SLC47A2: variants seen among roughly 807,000 people sequenced by gnomAD.
SLC47A2 encodes the protein multidrug and toxin extrusion protein 2.
A neutral mutation model predicts 67.7 loss-of-function variants in SLC47A2; 52 were observed. The ratio of observed to expected loss-of-function variants is 0.77; its 90% CI spans 0.61 to 0.97. The LOEUF (loss-of-function observed/expected upper bound fraction) is 0.97, where lower values mean the gene tolerates loss of function less well. Among genes scored for constraint, SLC47A2 ranks in the 50% least tolerant of loss-of-function variants. The pLI is 0.00. For synonymous variants in SLC47A2, 278 were observed against 292.9 expected (o/e 0.95, Z 0.52); for missense variants, 676 against 712.3 (o/e 0.95, Z 0.58).
At position 19,705,438 on chromosome 17, in the gene SLC47A2, T is replaced by C; in HGVS notation, c.907A>G (p.Met303Val). The C allele has an allele frequency of 6.2e-7, 1 of 1,611,696 alleles. No individual in the cohort carries two copies. ...AGGCACCCCTGCAGGAGCCTTACCA[T>C]GTAGGTCACAGTGGCCACCTCGTAG... is the stretch of plus-strand genomic sequence containing the variant. ...VIYEVATVTY[M>V]IPLGLSIGVC... Residue 303 changes from methionine (M) to valine (V), a missense_variant and splice_region_variant, in exon 10 of 17, where the codon ATG becomes GTG. Coordinates refer to ENST00000433844, the MANE Select transcript of SLC47A2 (RefSeq NM_001099646.3).
At chr17:19,704,810 C>G in intron 10 of SLC47A2, 4 of 486,656 alleles carry the variant, frequency 8.2e-6, no homozygotes, top group South Asian at 4.3e-5. Flanking sequence ...GCCTGCTGCT[C>G]GATGGAATGT....
chr17:19,706,663 C>A lies in SLC47A2; in HGVS notation c.826G>T (p.Gly276Trp). The A allele has an allele frequency of 6.2e-7, 1 of 1,601,922 alleles. No individual in the cohort carries two copies. Residue 276 changes from glycine to tryptophan, a missense_variant, in exon 9 of 17, where the codon GGG becomes TGG. Coordinates refer to ENST00000433844, the MANE Select transcript of SLC47A2 (RefSeq NM_001099646.3). ...ICVEWWAYEI[G>W]SFLMGLLSVV... ...TTCCACGTACCCATGAGGAAGCTCC[C>A]GATCTCATAGGCCCACCACTCAACA...
At chr17:19,680,612 C>T (rs1400390909) in intron 15 of SLC47A2, among the ~76,000 whole-genome samples, 1 of 152,164 alleles carries the variant, frequency 6.6e-6, no homozygotes, top group Non-Finnish European at 1.5e-5. Flanking sequence ...TGCTTCTGTG[C>T]TCTGCTTGCA....
rs4924792 is a variant in SLC47A2 at position 19,713,923 on chromosome 17, G to T, written c.345C>A (p.Gly115=). The T allele has an allele frequency of 0.31, 503,288 of 1,612,284 alleles. 80,909 individuals carry two copies. Among genetic ancestry groups the T allele is most frequent in the South Asian group, 0.42 (38,079 of 90,856 alleles). ...KKHVGVILQR[G]ALVLLLCCLP... ...GGCAGCAGAGGAGCAGGACCAGCGC[G>T]CCCCGCTGCAGGATCACGCCCACGT... The change falls in exon 4 of 17, where the codon GGC becomes GGA. Residue 115 remains glycine (G), a synonymous_variant. Transcript: ENST00000433844.
chr17:19,692,407 G>C (rs1488050131), intron 13 of SLC47A2: 5 of 345,890 alleles, frequency 1.4e-5, no homozygotes, highest in Admixed American at 4.5e-5. Context: ...AATATGAAGA[G>C]CAACTTCATG....
At chr17:19,714,191 C>T (rs1375230100) in intron 3 of SLC47A2, among the ~76,000 whole-genome samples, 2 of 152,196 alleles carry the variant, frequency 1.3e-5, no homozygotes, top group African/African-American at 4.8e-5. Context: ...CCAAGGAGGA[C>T]GAAGGCACAT....
chr17:19,680,382 A>C (rs1199666015), intron 15 of SLC47A2, among the ~76,000 whole-genome samples: 2 of 152,204 alleles, frequency 1.3e-5, no homozygotes, highest in African/African-American at 4.8e-5. Context: ...CAGGAGGCTG[A>C]GGCAGGAGAA....
chr17:19,710,003 T>G (rs1319865307), intron 5 of SLC47A2, among the ~76,000 whole-genome samples: 2 of 152,194 alleles, frequency 1.3e-5, no homozygotes, highest in Non-Finnish European at 2.9e-5. Context: ...GGCACTGGCC[T>G]GGCAGAGAGG....
chr17:19,691,781 T>C (rs1407136990), intron 13 of SLC47A2, among the ~76,000 whole-genome samples: 3 of 152,356 alleles, frequency 2.0e-5, no homozygotes, highest in African/African-American at 7.2e-5. Flanking sequence ...TGATTAATGC[T>C]TGAGGTGATG....
chr17:19,713,815 C>G lies in SLC47A2; in HGVS notation c.443+10G>C. ...GCAAGCCCCACCTCCCCAGCCGGAG[C>G]CCAGCGCACCTGGACACGTCCGGGT... On this transcript the variant is annotated intron_variant, in intron 4 of 16. Transcript: ENST00000433844. The G allele has an allele frequency of 6.2e-7, 1 of 1,602,962 alleles. No homozygotes were observed. Among genetic ancestry groups the G allele is most frequent in the Non-Finnish European group, 8.5e-7 (1 of 1,173,294 alleles).
intron 16 of SLC47A2, among the ~76,000 whole-genome samples, chr17:19,679,565 T>G (rs2085268221): frequency 6.6e-6 from 1 of 152,150 alleles, no homozygotes; most frequent in African/African-American, 2.4e-5. Flanking sequence ...TGGCCTTCCG[T>G]CTTGAGCAGA....
chr17:19,713,859 G>A lies in SLC47A2; in HGVS notation c.409C>T (p.Leu137=). Residue 137 remains leucine (L), a synonymous_variant, in exon 4 of 17, where the codon CTG becomes TTG. Coordinates refer to ENST00000433844, the MANE Select transcript of SLC47A2 (RefSeq NM_001099646.3). ...WALFLNTQHI[L]LLFRQDPDVS... is the part of the protein sequence containing the mutation. ...TCCGGGTCCTGCCGGAAGAGCAGCA[G>A]GATGTGCTGGGTGTTGAGGAAGAGC... 1 of 1,613,518 alleles carries A rather than the reference G, an allele frequency of 6.2e-7. No individual in the cohort carries two copies. The highest frequency in any genetic ancestry group is 8.5e-7 in the Non-Finnish European group (1 of 1,179,890).
rs1224646835 is a variant in SLC47A2, at chr17:19,685,545, G to A, written c.1165-3875C>T. Among the ~76,000 whole-genome samples, 1 of 152,200 alleles carries A rather than the reference G, an allele frequency of 6.6e-6. No homozygotes were observed. The highest frequency in any genetic ancestry group is 2.4e-5 in the African/African-American group (1 of 41,444). ...CTGCCTGGCCGCCCCGTCTGGGAGG[G>A]TTAAATGGATTAAGGGCGGTGCAAG... On this transcript the variant is annotated intron_variant, in intron 13 of 16. Transcript: ENST00000433844. The surrounding 1 kb of genome is among the most constrained non-coding windows in gnomAD (Gnocchi z 4.5).
intron 13 of SLC47A2, among the ~76,000 whole-genome samples, chr17:19,698,940 A>C (rs1178395886): frequency 6.6e-6 from 1 of 152,222 alleles, no homozygotes; most frequent in Admixed American, 6.5e-5. Flanking sequence ...AGATGATTTA[A>C]ACTCATAGGA....
chr17:19,706,736 G>A lies in SLC47A2; in HGVS notation c.753C>T (p.Asp251=), dbSNP rs2085948862. The A allele has an allele frequency of 4.3e-6, 7 of 1,610,438 alleles. No homozygotes were observed. The highest frequency in any genetic ancestry group is 5.9e-6 in the Non-Finnish European group (7 of 1,179,128). Residue 251 remains aspartate (D), a synonymous_variant, in exon 9 of 17, where the codon GAC becomes GAT. Coordinates refer to ENST00000433844, the MANE Select transcript of SLC47A2 (RefSeq NM_001099646.3). ...WAGWSSQCLQ[D]WGPFFSLAVP... The stretch of plus-strand genomic sequence containing the variant: ...CAGCCAGGGAGAAGAAGGGGCCCCA[G>A]TCCTGCAGGCACTGGCTGGACCAAC...
chr17:19,711,588 CAAAA>C (rs35308426), intron 5 of SLC47A2, among the ~76,000 whole-genome samples: 7 of 33,006 alleles, frequency 2.1e-4, no homozygotes, highest in African/African-American at 3.8e-4. Context: ...AACTCCGTCT[CAAAA>C]AAAAAAAAAA....
chr17:19,680,748 G>A lies in SLC47A2; in HGVS notation c.1392+619C>T, dbSNP rs8074204. 8.8e-3 allele frequency among the ~76,000 whole-genome samples: 1,279 copies of A among 145,644 alleles called. 18 individuals carry two copies. The highest frequency in any genetic ancestry group is 0.031 in the African/African-American group (1,166 of 37,492). ...CCTTCCAAAGTCAAGGCACACGCTC[G>A]GGGGTTCATCTGGGTTCAGACTAGT... is the stretch of plus-strand genomic sequence containing the variant. On this transcript the variant is annotated intron_variant, in intron 15 of 16. Transcript: ENST00000433844.
intron 13 of SLC47A2, among the ~76,000 whole-genome samples, chr17:19,696,702 T>C (rs1447889916): frequency 6.6e-6 from 1 of 152,232 alleles, no homozygotes; most frequent in Non-Finnish European, 1.5e-5. Flanking sequence ...ATTTCTGTTA[T>C]GTAAGCCATC....
chr17:19,681,282 C>A, intron 15 of SLC47A2, 85 bp downstream of exon 15: 17 of 1,128,312 alleles, frequency 1.5e-5, no homozygotes, highest in Non-Finnish European at 2.0e-5. Context: ...CTGATGTGCT[C>A]TGGGCATTTC....
Sources: gnomAD v4.1 joint callset for allele counts (sites outside exome capture counted in the v4.1 genomes callset) on GRCh38, gnomAD v4.1.1 for gene constraint, Gnocchi (gnomAD v3.1) non-coding constraint, MANE v1.5 for transcripts, NCBI Gene and HGNC (gene_info 2026-07-23, HGNC 2026-07-21) for gene names.